CCSER1: variants seen among roughly 807,000 people sequenced by gnomAD.
CCSER1 encodes the protein coiled-coil serine rich protein 1, also known as serine-rich coiled-coil domain-containing protein 1.
CCSER1 carries 41 observed loss-of-function variants against 82.0 expected under a neutral mutation model. That is an observed-to-expected ratio of 0.50 (90% CI 0.39 to 0.65). The LOEUF is 0.65. CCSER1 is among the 30% of genes least tolerant of loss of function. CCSER1 has a pLI of 0.00. For missense variants in CCSER1, 1,119 were observed against 1,064.2 expected, an observed-to-expected ratio of 1.05 and a Z score of -0.72; for synonymous variants, 414 against 383.9, an observed-to-expected ratio of 1.08 and a Z score of -0.92.
chr4:90,150,526 A>T (rs1337946338), intron 1 of CCSER1, among the ~76,000 whole-genome samples: 2 of 152,080 alleles, frequency 1.3e-5, no homozygotes, highest in Non-Finnish European at 2.9e-5. Context: ...TTTGTTTTTT[A>T]AAAAAGATTA....
At chr4:90,559,788 A>T (rs752810760) in intron 5 of CCSER1, among the ~76,000 whole-genome samples, 38 of 138,982 alleles carry the variant, frequency 2.7e-4, no homozygotes, top group Non-Finnish European at 4.6e-4. Flanking sequence ...CCAGCCTGGG[A>T]GACAGACCGA....
At chr4:90,144,271 T>C (rs1578174417) in intron 1 of CCSER1, among the ~76,000 whole-genome samples, 2 of 104,844 alleles carry the variant, frequency 1.9e-5, no homozygotes, top group East Asian at 7.7e-4. Context: ...GAAACTTGAT[T>C]GTGGAAGGAA....
chr4:90,453,378 C>T (rs1166714854), intron 4 of CCSER1, among the ~76,000 whole-genome samples: 2 of 152,260 alleles, frequency 1.3e-5, no homozygotes, highest in South Asian at 2.1e-4. Context: ...TTTGTATCCC[C>T]AATATCAGGG....
chr4:91,167,461 G>A (rs1020733221), intron 10 of CCSER1, among the ~76,000 whole-genome samples: 3 of 152,078 alleles, frequency 2.0e-5, no homozygotes, highest in Admixed American at 6.6e-5. Context: ...TGGGATTACA[G>A]GCATGAGCCA....
intron 1 of CCSER1, among the ~76,000 whole-genome samples, chr4:90,298,886 T>C (rs556173485): frequency 5.9e-5 from 9 of 152,214 alleles, no homozygotes; most frequent in African/African-American, 1.9e-4. Context: ...AACATAAATA[T>C]GCCTCTTATT....
intron 6 of CCSER1, among the ~76,000 whole-genome samples, chr4:90,711,126 C>T (rs1390285261): frequency 2.0e-5 from 3 of 152,004 alleles, no homozygotes; most frequent in African/African-American, 4.8e-5. Context: ...ATTTGGCTCC[C>T]TGCTTGCCTG....
intron 1 of CCSER1, among the ~76,000 whole-genome samples, chr4:90,161,889 C>G (rs1258058682): frequency 1.3e-5 from 2 of 151,846 alleles, no homozygotes; most frequent in Non-Finnish European, 2.9e-5. Context: ...TGTTCTTTTT[C>G]TCTACAAGCT....
intron 8 of CCSER1, among the ~76,000 whole-genome samples, chr4:90,867,562 G>A (rs1765899052): frequency 6.6e-6 from 1 of 151,654 alleles, no homozygotes; most frequent in South Asian, 2.1e-4. Flanking sequence ...TATTCTTTTA[G>A]TTATTTTTAA....
At chr4:91,078,918 T>C (rs1296977741) in intron 9 of CCSER1, among the ~76,000 whole-genome samples, 1 of 152,092 alleles carries the variant, frequency 6.6e-6, no homozygotes, top group Non-Finnish European at 1.5e-5. Context: ...CCAAGAAATA[T>C]GGGACTATGT....
At chr4:91,202,184 A>G (rs1400911685) in intron 10 of CCSER1, among the ~76,000 whole-genome samples, 1 of 151,942 alleles carries the variant, frequency 6.6e-6, no homozygotes, top group Non-Finnish European at 1.5e-5. Context: ...CTGTCAAAAA[A>G]AAAAAAAAAG....
At chr4:90,668,710 T>A (rs1732251818) in intron 6 of CCSER1, among the ~76,000 whole-genome samples, 1 of 152,122 alleles carries the variant, frequency 6.6e-6, no homozygotes, top group Non-Finnish European at 1.5e-5. Flanking sequence ...ATTTCAGATT[T>A]CAAGTAGTCA....
At chr4:90,739,814 G>A (rs144827035) in intron 7 of CCSER1, among the ~76,000 whole-genome samples, 38 of 152,248 alleles carry the variant, frequency 2.5e-4, no homozygotes, top group South Asian at 1.2e-3. Flanking sequence ...CTCTCTCCAC[G>A]GCAGGTGGCT....
At chr4:90,905,510 A>G (rs1183284122) in intron 8 of CCSER1, among the ~76,000 whole-genome samples, 1 of 152,056 alleles carries the variant, frequency 6.6e-6, no homozygotes, top group Non-Finnish European at 1.5e-5. Flanking sequence ...ATAACCTTAA[A>G]TGTCATTTCT....
chr4:90,988,419 A>G (rs1387319419), intron 9 of CCSER1, among the ~76,000 whole-genome samples: 1 of 150,122 alleles, frequency 6.7e-6, no homozygotes, highest in East Asian at 2.0e-4. Context: ...TGGTTCATAT[A>G]ACATAATGTT....
chr4:91,330,474 T>C (rs962241869), intron 10 of CCSER1, among the ~76,000 whole-genome samples: 3 of 145,686 alleles, frequency 2.1e-5, no homozygotes, highest in East Asian at 2.1e-4. Flanking sequence ...CTATTTTTTT[T>C]CCAACTAACA....
chr4:91,393,352 G>T (rs562451108), intron 10 of CCSER1, among the ~76,000 whole-genome samples: 1 of 152,090 alleles, frequency 6.6e-6, no homozygotes, highest in East Asian at 1.9e-4. Context: ...TTTGAACCAT[G>T]CATGAAATTC....
intron 5 of CCSER1, among the ~76,000 whole-genome samples, chr4:90,490,870 C>T (rs1001316716): frequency 1.3e-5 from 2 of 151,964 alleles, no homozygotes; most frequent in African/African-American, 4.8e-5. Flanking sequence ...TGTTCTGTTC[C>T]ATTGGTCTAT....
chr4:91,498,491 A>G (rs1372603843), intron 10 of CCSER1, among the ~76,000 whole-genome samples: 3 of 151,522 alleles, frequency 2.0e-5, no homozygotes, highest in African/African-American at 7.3e-5. Context: ...GACCTTGAGA[A>G]TGTACATTTT....
chr4:90,282,185 T>G (rs1728981564), intron 1 of CCSER1, among the ~76,000 whole-genome samples: 1 of 151,994 alleles, frequency 6.6e-6, no homozygotes, highest in Non-Finnish European at 1.5e-5. Flanking sequence ...ATAAATATGT[T>G]TGAGTGCTTT....
Sources: allele counts gnomAD v4.1 joint callset (sites outside exome capture counted in the v4.1 genomes callset), GRCh38; gene constraint gnomAD v4.1.1; transcripts MANE v1.5; gene names NCBI Gene and HGNC (gene_info 2026-07-23, HGNC 2026-07-21).